LAMB1: variants seen among roughly 807,000 people sequenced by gnomAD.
LAMB1 encodes laminin subunit beta-1.
Under a neutral mutation model 222.3 loss-of-function variants are expected in LAMB1, and 121 were observed. That is an observed-to-expected ratio of 0.54 (90% CI 0.47 to 0.63). The LOEUF (loss-of-function observed/expected upper bound fraction) is 0.63. LAMB1 is among the 30% of genes least tolerant of loss of function. The pLI is 0.00. For missense variants in LAMB1, 2,172 were observed against 2,240.8 expected, an observed-to-expected ratio of 0.97 and a Z score of 0.62; for synonymous variants, 794 against 807.2, an observed-to-expected ratio of 0.98 and a Z score of 0.28.
chr7:107,938,974 C>A (rs1342680016), intron 25 of LAMB1, among the ~76,000 whole-genome samples: 3 of 152,194 alleles, frequency 2.0e-5, no homozygotes, highest in African/African-American at 7.2e-5. Context: ...AAAAGTCCCT[C>A]TGGCTTCTTA....
chr7:107,965,278 A>C (rs2033608996), intron 13 of LAMB1, among the ~76,000 whole-genome samples: 1 of 152,160 alleles, frequency 6.6e-6, no homozygotes, highest in Non-Finnish European at 1.5e-5. Flanking sequence ...TGGCTATGCT[A>C]TGCTAAATAT....
At chr7:107,924,146 C>T in intron 33 of LAMB1, 59 bp from the exon 34 acceptor site, 2 of 1,523,962 alleles carry the variant, frequency 1.3e-6, no homozygotes, top group Non-Finnish European at 1.8e-6. Flanking sequence ...GATCTCAAGA[C>T]AAAGTGAATA....
chr7:107,930,604 A>C (rs887440850), intron 29 of LAMB1, among the ~76,000 whole-genome samples: 2 of 152,170 alleles, frequency 1.3e-5, no homozygotes, highest in African/African-American at 4.8e-5. Flanking sequence ...ATTGCTGGCC[A>C]GTGAGGTTTA....
At position 107,963,068 on chromosome 7, in the gene LAMB1, G is replaced by A. The variant is rs1401811820; in HGVS notation, c.1699-5C>T. Reference sequence around the variant, plus strand: ...CCGCTCCACTATGCTAACCCCCTGAGGGCATGGCAAACAATGGTTATTCTG... The same window carrying A: ...CCGCTCCACTATGCTAACCCCCTGAAGGCATGGCAAACAATGGTTATTCTG... On this transcript the variant is annotated splice_polypyrimidine_tract_variant and splice_region_variant and intron_variant, in intron 14 of 33. Transcript: ENST00000222399. 2.5e-6 allele frequency: 4 copies of A among 1,596,718 alleles called. No homozygotes were observed. Among genetic ancestry groups the A allele is most frequent in the East Asian group, 4.5e-5 (2 of 44,650 alleles).
At chr7:107,955,375 G>T in intron 21 of LAMB1, 92 bp downstream of exon 21, 1 of 1,148,944 alleles carries the variant, frequency 8.7e-7, no homozygotes, top group Non-Finnish European at 1.2e-6. Context: ...GACTTAATTG[G>T]TTCACTTTGC....
intron 24 of LAMB1, among the ~76,000 whole-genome samples, chr7:107,948,003 G>C (rs936506215): frequency 7.8e-5 from 2 of 25,640 alleles, no homozygotes; most frequent in African/African-American, 3.1e-4. Flanking sequence ...TTTTTTTTTT[G>C]AGACAGTCTT....
intron 7 of LAMB1, among the ~76,000 whole-genome samples, chr7:107,981,567 G>C (rs929198392): frequency 4.6e-5 from 7 of 152,162 alleles, no homozygotes; most frequent in African/African-American, 1.7e-4. Flanking sequence ...TTCTGTGATG[G>C]GTCTGTTTGC....
Position 107,940,284 on chromosome 7 carries a change from C to T in LAMB1, c.3466G>A (p.Gly1156Ser), listed in dbSNP as rs763897281. 3 of 1,614,194 alleles carry T rather than the reference C, an allele frequency of 1.9e-6. No individual in the cohort carries two copies. Among genetic ancestry groups the T allele is most frequent in the Non-Finnish European group, 2.5e-6 (3 of 1,180,028 alleles). The change falls in exon 25 of 34, where the codon GGT becomes AGT. Residue 1156 changes from glycine to serine, a missense_variant. Transcript: ENST00000222399. Reference protein sequence around the residue: ...QSTGQCVCVEGVEGPRCDKCT... With the variant: ...QSTGQCVCVESVEGPRCDKCT... Reference sequence around the variant, plus strand: ...TTGTCACAGCGTGGACCCTCAACACCCTCAACGCAGACACACTGGCCCGTG... The same window carrying T: ...TTGTCACAGCGTGGACCCTCAACACTCTCAACGCAGACACACTGGCCCGTG...
chr7:107,931,211 A>AAG (rs2032701706), intron 29 of LAMB1, 145 bp downstream of exon 29: 2 of 681,746 alleles, frequency 2.9e-6, no homozygotes, highest in Non-Finnish European at 4.9e-6. Flanking sequence ...ATATAAGTTT[A>AAG]AGAAGTGGAA....
At chr7:107,957,961 T>C (rs1422654811) in intron 20 of LAMB1, among the ~76,000 whole-genome samples, 1 of 152,296 alleles carries the variant, frequency 6.6e-6, no homozygotes, top group East Asian at 1.9e-4. Context: ...GTCACAGATA[T>C]CAACTATGCC....
intron 5 of LAMB1, among the ~76,000 whole-genome samples, chr7:107,990,932 G>A (rs1298054738): frequency 2.6e-5 from 4 of 152,164 alleles, no homozygotes; most frequent in African/African-American, 9.7e-5. Flanking sequence ...CTCCATTAAT[G>A]CTTCATCAAT....
intron 7 of LAMB1, among the ~76,000 whole-genome samples, chr7:107,985,421 C>T (rs186813657): frequency 0.015 from 2,281 of 151,668 alleles, 20 homozygotes; most frequent in Middle Eastern, 0.061. Context: ...GTCAGGAGTT[C>T]GAGACCCAGC....
In LAMB1 at chr7:107,952,012, A is replaced by G. The variant is rs1437517221; in HGVS notation, c.3291T>C (p.Asn1097=). The change falls in exon 23 of 34, where the codon AAT becomes AAC. Residue 1097 remains asparagine, a synonymous_variant. Transcript: ENST00000222399. The part of the protein sequence containing the change: ...NAAHSFGPSC[N]EFTGQCQCMP... ...ATCCCCAGCAGCAGCCCCTCACCTCATTGCAAGATGGCCCGAAGGAATGAG... is the reference window on the plus strand; with the variant it reads ...ATCCCCAGCAGCAGCCCCTCACCTCGTTGCAAGATGGCCCGAAGGAATGAG... The G allele has an allele frequency of 5.6e-6, 9 of 1,608,878 alleles. No individual in the cohort carries two copies. The Admixed American group carries it at 1.5e-4, about 27-fold the overall frequency.
intron 25 of LAMB1, among the ~76,000 whole-genome samples, 185 bp downstream of exon 25, chr7:107,939,804 T>C (rs796233990): frequency 6.6e-5 from 10 of 152,298 alleles, no homozygotes; most frequent in African/African-American, 2.2e-4. Context: ...CCCACTGATG[T>C]GCCAACGTTC....
intron 33 of LAMB1, 71 bp from the exon 34 acceptor site, chr7:107,924,158 A>G (rs1380264462): frequency 1.3e-6 from 2 of 1,530,220 alleles, no homozygotes; most frequent in Admixed American, 2.3e-5. Context: ...AAGTGAATAT[A>G]TTTTTCACTT....
chr7:107,950,995 G>T (rs1046301963), intron 24 of LAMB1: 1 of 445,234 alleles, frequency 2.2e-6, no homozygotes, highest in Non-Finnish European at 4.1e-6. Context: ...ACCCCAGGGT[G>T]TGAGGCCGGG....
chr7:107,984,059 CAG>C (rs2034026252), intron 7 of LAMB1, among the ~76,000 whole-genome samples: 1 of 152,098 alleles, frequency 6.6e-6, no homozygotes, highest in Admixed American at 6.6e-5. Flanking sequence ...TTGAGAATGG[CAG>C]AGACTTCTGA....
intron 29 of LAMB1, 100 bp from the exon 30 acceptor site, chr7:107,929,719 G>A: frequency 1.1e-6 from 1 of 905,596 alleles, no homozygotes; most frequent in Non-Finnish European, 1.7e-6. Context: ...GCATGGTGGG[G>A]TTACACACCA....
At chr7:107,975,598 C>T in intron 10 of LAMB1, 91 bp downstream of exon 10, 1 of 1,352,156 alleles carries the variant, frequency 7.4e-7, no homozygotes, top group East Asian at 2.3e-5. Flanking sequence ...GGCTTTACTG[C>T]TCATACTATG....
Sources: allele counts gnomAD v4.1 joint callset (sites outside exome capture counted in the v4.1 genomes callset), GRCh38; gene constraint gnomAD v4.1.1; transcripts MANE v1.5; gene names NCBI Gene and HGNC (gene_info 2026-07-23, HGNC 2026-07-21).